The following PIGK variants were observed in gnomAD, a reference collection of about 807,000 sequenced individuals.
PIGK encodes GPI-anchor transamidase.
A neutral mutation model predicts 50.6 loss-of-function variants in PIGK; 42 were observed. The observed-to-expected ratio is 0.83, with a 90% CI of 0.65 to 1.07. PIGK has a LOEUF of 1.07. PIGK is among the 50% of genes least tolerant of loss of function. The pLI, the probability that PIGK is intolerant of heterozygous loss-of-function variation, is 0.00. For missense variants in PIGK, 448 were observed against 488.7 expected, an observed-to-expected ratio of 0.92 and a Z score of 0.78; for synonymous variants, 151 against 156.0, an observed-to-expected ratio of 0.97 and a Z score of 0.24.
In PIGK at chr1:77,090,654, G is replaced by A. The variant is rs921267871; in HGVS notation, c.*1720C>T. ...TTCCTTTACCACCCTAAATAGCTCC[G>A]CCTCACCGTGGTGTCCACGACCTTG... On this transcript the variant is annotated 3_prime_UTR_variant, in exon 11 of 11. Transcript: ENST00000370812. The A allele has an allele frequency of 1.3e-5, 2 of 152,118 alleles. No individual in the cohort carries two copies. The highest frequency in any genetic ancestry group is 2.9e-5 in the Non-Finnish European group (2 of 68,020). The allele number at this position is 152,118 out of a possible 1,614,324, so 9.4% of individuals were successfully genotyped here.
At chr1:77,171,466 A>C (rs1441655564) in intron 3 of PIGK, among the ~76,000 whole-genome samples, 1 of 147,986 alleles carries the variant, frequency 6.8e-6, no homozygotes, top group African/African-American at 2.5e-5. Context: ...AAAAAAAAGA[A>C]TATTTCTTTA....
At chr1:77,177,093 T>C (rs1655504120) in intron 3 of PIGK, among the ~76,000 whole-genome samples, 1 of 152,220 alleles carries the variant, frequency 6.6e-6, no homozygotes, top group African/African-American at 2.4e-5. Flanking sequence ...TCATTTTCAA[T>C]GCATGTTTTC....
In PIGK at chr1:77,203,043, A is replaced by G. The variant is rs115474217; in HGVS notation, c.239+3597T>C. Among the ~76,000 whole-genome samples, 300 of 152,316 alleles carry G rather than the reference A, an allele frequency of 2.0e-3. 2 individuals are homozygous for G. Among genetic ancestry groups the G allele is most frequent in the African/African-American group, 6.8e-3 (284 of 41,580 alleles). Reference sequence around the variant, plus strand: ...CACAATTCTAGTGTTAAAGATATGTATATTTTTTCATAAACATGGCTCTAA... The same window carrying G: ...CACAATTCTAGTGTTAAAGATATGTGTATTTTTTCATAAACATGGCTCTAA... On this transcript the variant is annotated intron_variant, in intron 3 of 10. Transcript: ENST00000370812.
At chr1:77,161,219 G>A in intron 8 of PIGK, 76 bp downstream of exon 8, 3 of 758,618 alleles carry the variant, frequency 4.0e-6, no homozygotes, top group Non-Finnish European at 7.2e-6. Flanking sequence ...CTCTAGGAGT[G>A]CAGGGAATAA....
chr1:77,108,319 T>C (rs535309241), intron 10 of PIGK, among the ~76,000 whole-genome samples: 2 of 152,326 alleles, frequency 1.3e-5, no homozygotes, highest in South Asian at 4.1e-4. Flanking sequence ...TGCTTGTCTG[T>C]AAAGGATTTT....
At chr1:77,094,113 C>T (rs1299977660) in intron 10 of PIGK, among the ~76,000 whole-genome samples, 3 of 152,236 alleles carry the variant, frequency 2.0e-5, no homozygotes, top group African/African-American at 7.2e-5. Flanking sequence ...GTAATTCACA[C>T]AAAAGGGTTG....
intron 10 of PIGK, among the ~76,000 whole-genome samples, chr1:77,118,785 G>A (rs745476883): frequency 7.2e-5 from 11 of 151,946 alleles, no homozygotes; most frequent in South Asian, 2.1e-4. Flanking sequence ...AACCATATAC[G>A]TATTAGGGTA....
At position 77,090,491 on chromosome 1, in the gene PIGK, C is replaced by G. The variant is rs1653272051; in HGVS notation, c.*1883G>C. 6.6e-6 allele frequency: 1 copy of G among 152,216 alleles called. No homozygotes were observed. Among genetic ancestry groups the G allele is most frequent in the Non-Finnish European group, 1.5e-5 (1 of 68,030 alleles). 9.4% of individuals were successfully genotyped at this position (152,216 alleles called of 1,614,324 possible). ...ATCCTGAATATTTTATCCAGTATTACTTTTCCCAGTTTGGTTTTAACTAAG... is the reference window on the plus strand; with the variant it reads ...ATCCTGAATATTTTATCCAGTATTAGTTTTCCCAGTTTGGTTTTAACTAAG... On this transcript the variant is annotated 3_prime_UTR_variant, in exon 11 of 11. Transcript: ENST00000370812.
chr1:77,130,146 C>T (rs919429640), intron 9 of PIGK, among the ~76,000 whole-genome samples: 1 of 147,860 alleles, frequency 6.8e-6, no homozygotes, highest in Non-Finnish European at 1.5e-5. Context: ...TTACAAATAA[C>T]GTCACCACAC....
chr1:77,211,099 T>C lies in PIGK; in HGVS notation c.94-610A>G, dbSNP rs559343897. Among the ~76,000 whole-genome samples the C allele has an allele frequency of 5.9e-5, 9 of 152,116 alleles. No individual in the cohort carries two copies. In the South Asian group the frequency reaches 1.0e-3, roughly 18 times the overall value. On this transcript the variant is annotated intron_variant, in intron 1 of 10. Transcript: ENST00000370812. ...TAATTTATTTTTTCTACTGTGTTTATCATCTTCTTACATTATATATATAAT... is the reference window on the plus strand; with the variant it reads ...TAATTTATTTTTTCTACTGTGTTTACCATCTTCTTACATTATATATATAAT...
At chr1:77,194,775 T>C (rs1401035774) in intron 3 of PIGK, 15 of 357,508 alleles carry the variant, frequency 4.2e-5, no homozygotes, top group Non-Finnish European at 7.5e-5. Context: ...CATATGTACC[T>C]CCTGAACCTA....
intron 9 of PIGK, among the ~76,000 whole-genome samples, chr1:77,128,756 A>G (rs1450513363): frequency 6.6e-6 from 1 of 152,236 alleles, no homozygotes; most frequent in Non-Finnish European, 1.5e-5. Flanking sequence ...ACATATTTAT[A>G]TACACATGAA....
chr1:77,108,026 C>G (rs374240539), intron 10 of PIGK, among the ~76,000 whole-genome samples: 1 of 152,026 alleles, frequency 6.6e-6, no homozygotes, highest in African/African-American at 2.4e-5. Flanking sequence ...ACACTGATGG[C>G]TCTTGACTCT....
intron 1 of PIGK, among the ~76,000 whole-genome samples, chr1:77,210,915 C>G (rs1656403611): frequency 2.0e-5 from 3 of 152,008 alleles, no homozygotes; most frequent in Admixed American, 6.6e-5. Context: ...CAAATGAAAG[C>G]ATACTTACTA....
chr1:77,202,103 T>G (rs193058047), intron 3 of PIGK, among the ~76,000 whole-genome samples: 2 of 152,116 alleles, frequency 1.3e-5, no homozygotes, highest in South Asian at 2.1e-4. Context: ...ACAGCACTGT[T>G]AGCTCAGTGG....
At chr1:77,131,835 T>A (rs1252114130) in intron 9 of PIGK, among the ~76,000 whole-genome samples, 1 of 152,092 alleles carries the variant, frequency 6.6e-6, no homozygotes, top group Non-Finnish European at 1.5e-5. Flanking sequence ...CAAGTGAGGC[T>A]GACTCTCTAT....
intron 9 of PIGK, among the ~76,000 whole-genome samples, chr1:77,131,513 T>C (rs947352826): frequency 2.2e-4 from 33 of 152,240 alleles, no homozygotes; most frequent in Admixed American, 3.3e-4. Context: ...TTTCACACTA[T>C]ATAAAGTTTG....
At chr1:77,160,545 C>G (rs77256812) in intron 8 of PIGK, among the ~76,000 whole-genome samples, 1 of 152,164 alleles carries the variant, frequency 6.6e-6, no homozygotes, top group Non-Finnish European at 1.5e-5. Context: ...TTAGGAACAG[C>G]CTGTGCTTGG....
intron 9 of PIGK, among the ~76,000 whole-genome samples, chr1:77,136,179 C>T (rs1426797534): frequency 2.0e-5 from 3 of 152,166 alleles, no homozygotes; most frequent in African/African-American, 7.2e-5. Flanking sequence ...GTAATTTTCT[C>T]TCAGTACTTT....
Sources: allele counts gnomAD v4.1 joint callset (sites outside exome capture counted in the v4.1 genomes callset), GRCh38; gene constraint gnomAD v4.1.1; transcripts MANE v1.5; gene names NCBI Gene and HGNC (gene_info 2026-07-23, HGNC 2026-07-21).